The following PCDH15 variants were observed in gnomAD, a reference collection of about 807,000 sequenced individuals.
PCDH15 encodes protocadherin related 15.
A neutral mutation model predicts 178.5 loss-of-function variants in PCDH15; 129 were observed. The observed-to-expected ratio is 0.72, with a 90% confidence interval of 0.63 to 0.84. The LOEUF (loss-of-function observed/expected upper bound fraction) is 0.84. Among genes scored for constraint, PCDH15 ranks in the 40% least tolerant of loss-of-function variants. PCDH15 has a pLI of 0.00. For synonymous variants in PCDH15, 800 were observed against 732.0 expected (o/e 1.09, Z -1.50); for missense variants, 2,230 against 2,099.9 (o/e 1.06, Z -1.21).
At chr10:55,372,025 A>G (rs1213222984) in intron 2 of PCDH15, among the ~76,000 whole-genome samples, 2 of 152,134 alleles carry the variant, frequency 1.3e-5, no homozygotes, top group African/African-American at 2.4e-5. Context: ...CTGGAAGCAT[A>G]GAAATTTAGA....
At chr10:54,027,027 A>G (rs2135376187) in intron 18 of PCDH15, among the ~76,000 whole-genome samples, 1 of 146,626 alleles carries the variant, frequency 6.8e-6, no homozygotes, top group African/African-American at 2.6e-5. Context: ...ACATGATTGT[A>G]TATCTAGAAA....
At chr10:55,245,906 A>C (rs1841667582) in intron 1 of PCDH15, among the ~76,000 whole-genome samples, 1 of 152,148 alleles carries the variant, frequency 6.6e-6, no homozygotes, top group South Asian at 2.1e-4. Flanking sequence ...AACTAAACCA[A>C]ACAGTTCTAT....
At chr10:54,104,090 T>G (rs1053758791) in intron 15 of PCDH15, among the ~76,000 whole-genome samples, 6 of 152,084 alleles carry the variant, frequency 3.9e-5, no homozygotes, top group Non-Finnish European at 7.4e-5. Flanking sequence ...GAATCAACAT[T>G]ATTTTTCCTG....
intron 1 of PCDH15, among the ~76,000 whole-genome samples, chr10:55,271,439 T>C (rs1021175369): frequency 5.9e-5 from 9 of 152,094 alleles, no homozygotes; most frequent in Non-Finnish European, 1.2e-4. Context: ...ATCAGATATG[T>C]TCTTAAATTG....
intron 23 of PCDH15, among the ~76,000 whole-genome samples, chr10:53,954,120 C>G (rs1200664813): frequency 1.3e-5 from 2 of 152,098 alleles, no homozygotes; most frequent in African/African-American, 4.8e-5. Flanking sequence ...GCAAATGAAA[C>G]AGAGGCAGAG....
At chr10:55,029,616 C>T (rs996935798) in intron 2 of PCDH15, among the ~76,000 whole-genome samples, 2 of 152,014 alleles carry the variant, frequency 1.3e-5, no homozygotes, top group African/African-American at 4.8e-5. Context: ...AACAAAATAA[C>T]CCTAATGGCC....
chr10:55,597,784 T>A (rs773420612), intron 2 of PCDH15, among the ~76,000 whole-genome samples: 1 of 152,146 alleles, frequency 6.6e-6, no homozygotes, highest in Admixed American at 6.5e-5. Flanking sequence ...ATCCCCCTAG[T>A]ATTTCAAAAT....
chr10:55,445,246 G>A (rs747491120), intron 2 of PCDH15, among the ~76,000 whole-genome samples: 1 of 151,972 alleles, frequency 6.6e-6, no homozygotes, highest in Non-Finnish European at 1.5e-5. Context: ...TTCCTAGACT[G>A]GTGTTTGAAC....
At chr10:55,589,924 A>C (rs915144020) in intron 2 of PCDH15, among the ~76,000 whole-genome samples, 3 of 147,882 alleles carry the variant, frequency 2.0e-5, no homozygotes, top group African/African-American at 7.4e-5. Flanking sequence ...AGGGATCTAG[A>C]ACTAGAAATA....
chr10:54,791,612 G>T (rs1275159166), intron 1 of PCDH15, among the ~76,000 whole-genome samples: 1 of 151,814 alleles, frequency 6.6e-6, no homozygotes, highest in African/African-American at 2.4e-5. Flanking sequence ...ATCTTAATTT[G>T]CCTTTCTAAG....
intron 3 of PCDH15, among the ~76,000 whole-genome samples, chr10:54,429,202 A>G (rs1589366683): frequency 6.6e-6 from 1 of 152,154 alleles, no homozygotes. Context: ...CAAGTGTAGA[A>G]TTTTTATTAG....
intron 3 of PCDH15, among the ~76,000 whole-genome samples, chr10:54,837,656 A>G (rs1360824409): frequency 1.3e-5 from 2 of 152,198 alleles, no homozygotes; most frequent in African/African-American, 2.4e-5. Context: ...AAAATATAAT[A>G]GAGTGATGAT....
At chr10:55,273,131 A>G (rs937143445) in intron 1 of PCDH15, among the ~76,000 whole-genome samples, 4 of 152,148 alleles carry the variant, frequency 2.6e-5, no homozygotes, top group Non-Finnish European at 5.9e-5. Flanking sequence ...TGCATGTATC[A>G]TATGATGTGT....
intron 26 of PCDH15, among the ~76,000 whole-genome samples, chr10:53,876,377 G>A (rs770489638): frequency 4.6e-5 from 7 of 151,992 alleles, no homozygotes; most frequent in Non-Finnish European, 7.4e-5. Flanking sequence ...TAGGAGAGAC[G>A]AAGTTTCGCC....
chr10:54,768,503 G>GCAGAA (rs1948753179), intron 1 of PCDH15, among the ~76,000 whole-genome samples: 1 of 152,182 alleles, frequency 6.6e-6, no homozygotes, highest in African/African-American at 2.4e-5. Context: ...ATTCTATGTA[G>GCAGAA]TTCATATTCT....
At chr10:54,066,088 G>A (rs1048553696) in intron 18 of PCDH15, among the ~76,000 whole-genome samples, 5 of 152,180 alleles carry the variant, frequency 3.3e-5, no homozygotes, top group Admixed American at 3.3e-4. Context: ...CTCATCTGAG[G>A]TTGATACTTC....
intron 1 of PCDH15, among the ~76,000 whole-genome samples, chr10:54,721,874 G>A (rs745477630): frequency 3.3e-5 from 5 of 151,770 alleles, no homozygotes; most frequent in Non-Finnish European, 7.4e-5. Flanking sequence ...TTTAACAAAA[G>A]TGGTATCATC....
rs1839755106 is a variant in PCDH15, at chr10:55,463,961, GAA to G, written c.-156+163662_-156+163663del. On this transcript the variant is annotated intron_variant, in intron 2 of 5. Transcript: ENST00000613346. ...AGAAAGAAAGAAAGAAAGAAAGAAA[GAA>G]AGAAAGAAAGAGAAAGAAAGAAAGA... Among the ~76,000 whole-genome samples, 23 of 35,184 alleles carry G rather than the reference GAA, an allele frequency of 6.5e-4. 2 individuals are homozygous for G. Among genetic ancestry groups the G allele is most frequent in the Middle Eastern group, 0.012 (1 of 84 alleles). The allele number at this position is 35,184 out of a possible 152,430, so 23.1% of individuals were successfully genotyped here.
At chr10:55,370,443 C>A (rs779062397) in intron 2 of PCDH15, among the ~76,000 whole-genome samples, 12 of 151,984 alleles carry the variant, frequency 7.9e-5, no homozygotes, top group Non-Finnish European at 1.5e-4. Flanking sequence ...TTTTGACAGC[C>A]AAATTGAAAT....
Sources: gnomAD v4.1 joint callset for allele counts (sites outside exome capture counted in the v4.1 genomes callset) on GRCh38, gnomAD v4.1.1 for gene constraint, MANE v1.5 for transcripts, NCBI Gene and HGNC (gene_info 2026-07-23, HGNC 2026-07-21) for gene names.